HADH: variants seen among roughly 807,000 people sequenced by gnomAD.
HADH encodes hydroxyacyl-coenzyme A dehydrogenase, mitochondrial.
A neutral mutation model predicts 32.2 loss-of-function variants in HADH; 24 were observed. The ratio of observed to expected loss-of-function variants is 0.75; its 90% CI spans 0.54 to 1.05. HADH has a LOEUF of 1.05. Ranked by LOEUF, HADH falls within the 50% of genes least tolerant of loss-of-function variation. The pLI, the probability that HADH is intolerant of heterozygous loss-of-function variation, is 0.00. For missense variants in HADH, 350 were observed against 397.1 expected, an observed-to-expected ratio of 0.88 and a Z score of 1.01; for synonymous variants, 139 against 152.5, an observed-to-expected ratio of 0.91 and a Z score of 0.65.
chr4:107,989,994 C>T lies in HADH; in HGVS notation c.62C>T (p.Ser21Leu), dbSNP rs1332610418. 4.3e-6 allele frequency: 7 copies of T among 1,612,444 alleles called. No homozygotes were observed. In the South Asian group the frequency reaches 4.4e-5, roughly 10 times the overall value. ...TCCTCCTCGTCCACCGCCTCGGCCT[C>T]GGCCAAGAAGATAATCGTCAAGCAC... The part of the protein sequence containing the change: ...SVSSSSTASA[S>L]AKKIIVKHVT... Residue 21 changes from serine (S) to leucine (L), a missense_variant, in exon 1 of 8, where the codon TCG (serine) becomes TTG (leucine). Physicochemically the swap from Ser to Leu is moderately radical, Grantham distance 145. Coordinates refer to ENST00000309522, the MANE Select transcript of HADH (RefSeq NM_005327.7).
intron 4 of HADH, among the ~76,000 whole-genome samples, chr4:108,022,936 A>G (rs1735941167): frequency 6.6e-6 from 1 of 151,982 alleles, no homozygotes; most frequent in South Asian, 2.1e-4. Context: ...ACACACACGT[A>G]CACACATACA....
At chr4:108,029,597 G>A (rs1736189348) in intron 6 of HADH, 1 of 152,328 alleles carries the variant, frequency 6.6e-6, no homozygotes, top group South Asian at 2.1e-4. Flanking sequence ...CCCCACTGTT[G>A]ATACACCTGG....
chr4:108,003,720 CAA>C (rs1452765559), intron 1 of HADH, among the ~76,000 whole-genome samples: 1 of 150,578 alleles, frequency 6.6e-6, no homozygotes, highest in Non-Finnish European at 1.5e-5. Flanking sequence ...AGATCAAAAG[CAA>C]AATAAAATAG....
chr4:107,994,518 C>A (rs1240092592), intron 1 of HADH, among the ~76,000 whole-genome samples: 1 of 152,184 alleles, frequency 6.6e-6, no homozygotes, highest in Non-Finnish European at 1.5e-5. Flanking sequence ...TTATTCTCTT[C>A]TACTGTGAGT....
At chr4:108,026,493 G>A (rs1406803322) in intron 5 of HADH, 1 of 152,078 alleles carries the variant, frequency 6.6e-6, no homozygotes, top group Non-Finnish European at 1.5e-5. Flanking sequence ...GAGTATTTTT[G>A]CCTCAATTAT....
chr4:108,016,202 T>C (rs1049629238), intron 3 of HADH, among the ~76,000 whole-genome samples: 1 of 152,160 alleles, frequency 6.6e-6, no homozygotes, highest in African/African-American at 2.4e-5. Flanking sequence ...GTGACTTGTT[T>C]GACTATATTT....
intron 1 of HADH, among the ~76,000 whole-genome samples, chr4:108,009,091 G>C (rs776855078): frequency 6.6e-6 from 1 of 152,216 alleles, no homozygotes; most frequent in Non-Finnish European, 1.5e-5. Context: ...TGATCCCAAA[G>C]ACTTCATTTT....
rs762881778 is a variant in HADH at position 108,014,437 on chromosome 4, G to C, written c.268G>C (p.Asp90His). The change falls in exon 3 of 8, where the codon GAT (aspartate) becomes CAT (histidine). Residue 90 changes from aspartate to histidine, a missense_variant. Asp to His is a moderately conservative substitution (Grantham distance 81). Transcript: ENST00000309522. ...CTTCCTCCCACTGCATTAGGCCGGC[G>C]ATGAATTTGTGGAGAAGACCCTGAG... ...KKFAENLKAG[D>H]EFVEKTLSTI... is the part of the protein sequence containing the mutation. 3 of 1,614,106 alleles carry C rather than the reference G, an allele frequency of 1.9e-6. No homozygotes were observed. The highest frequency in any genetic ancestry group is 2.5e-6 in the Non-Finnish European group (3 of 1,180,016).
Position 108,034,498 on chromosome 4 carries a change from C to T in HADH, c.*141C>T, listed in dbSNP as rs1036332890. ...AATGTGCATTTTGATTGTAATCTAT[C>T]GAAGTGATTATTACACCAGTTACAG... On this transcript the variant is annotated 3_prime_UTR_variant, in exon 8 of 8. Coordinates refer to ENST00000309522, the MANE Select transcript of HADH (RefSeq NM_005327.7). 39 of 726,994 alleles carry T rather than the reference C, an allele frequency of 5.4e-5. 2 individuals are homozygous for T. The highest frequency in any genetic ancestry group is 3.6e-4 in the Admixed American group (19 of 53,264). 45.0% of individuals were successfully genotyped at this position (726,994 alleles called of 1,614,324 possible). A position where few individuals can be genotyped will look rare whatever the true frequency, so the allele number is the denominator to read the frequency against.
chr4:108,013,174 G>T (rs138345472), intron 2 of HADH, among the ~76,000 whole-genome samples: 1 of 152,300 alleles, frequency 6.6e-6, no homozygotes, highest in East Asian at 1.9e-4. Context: ...CTCGTGATCC[G>T]CCTGCCTCGG....
rs779861407 is a variant in HADH, at chr4:108,000,149, G to C, written c.133-9610G>C. 2.6e-5 allele frequency among the ~76,000 whole-genome samples: 4 copies of C among 152,286 alleles called. 1 individual carries two copies. The Middle Eastern group carries it at 0.01, about 388-fold the overall frequency. On this transcript the variant is annotated intron_variant, in intron 1 of 7. Coordinates refer to ENST00000309522, the MANE Select transcript of HADH (RefSeq NM_005327.7). ...AACAGCACTTTTGAAAGGTCTCTCC[G>C]TACTATCTTGATTTCATCATCTAAA...
intron 1 of HADH, chr4:108,004,933 A>G: frequency 1.3e-6 from 2 of 1,523,888 alleles, no homozygotes; most frequent in Non-Finnish European, 1.8e-6. Context: ...ATGACCCTAA[A>G]CTAGTATTCA....
chr4:108,009,983 T>TC, intron 2 of HADH, 96 bp downstream of exon 2: 2 of 903,782 alleles, frequency 2.2e-6, no homozygotes, highest in Non-Finnish European at 3.5e-6. Context: ...CTTTCTTTTT[T>TC]TTTTTTTTTT....
intron 7 of HADH, among the ~76,000 whole-genome samples, chr4:108,033,943 A>G (rs1736367167): frequency 6.6e-6 from 1 of 152,248 alleles, no homozygotes; most frequent in African/African-American, 2.4e-5. Context: ...GGCTTCTGTC[A>G]GTGTACTTGG....
At chr4:108,033,526 T>G in intron 7 of HADH, among the ~76,000 whole-genome samples, 1 of 152,072 alleles carries the variant, frequency 6.6e-6, no homozygotes, top group Non-Finnish European at 1.5e-5. Context: ...TCACAGGAAG[T>G]TACAAATATA....
At chr4:108,034,186 T>G in intron 7 of HADH, 53 bp from the exon 8 acceptor site, 1 of 1,194,882 alleles carries the variant, frequency 8.4e-7, no homozygotes, top group East Asian at 2.3e-5. Context: ...AATGCCAAGA[T>G]GTAAAAATAA....
rs1454681297 is a variant in HADH at position 108,035,097 on chromosome 4, T to C, written c.*740T>C. The C allele has an allele frequency of 4.6e-5, 7 of 152,506 alleles. No homozygotes were observed. The highest frequency in any genetic ancestry group is 1.0e-4 in the Non-Finnish European group (7 of 68,302). The allele number at this position is 152,506 out of a possible 1,614,324, so 9.4% of individuals were successfully genotyped here. On this transcript the variant is annotated 3_prime_UTR_variant, in exon 8 of 8. Transcript: ENST00000309522. ...AATGTTTCAGTCTGAAAATTTGAATTGAAAAAAATGTATAATATAAAATTG... is the reference window on the plus strand; with the variant it reads ...AATGTTTCAGTCTGAAAATTTGAATCGAAAAAAATGTATAATATAAAATTG...
At chr4:108,032,427 C>A in intron 6 of HADH, 1 of 1,250,922 alleles carries the variant, frequency 8.0e-7, no homozygotes, top group Non-Finnish European at 1.2e-6. Context: ...GGGAATACTC[C>A]TTACTTGTAA....
intron 3 of HADH, among the ~76,000 whole-genome samples, chr4:108,015,792 C>T (rs1248559090): frequency 6.6e-6 from 1 of 152,154 alleles, no homozygotes; most frequent in Non-Finnish European, 1.5e-5. Flanking sequence ...GCTGCTCTGA[C>T]GTTCCTTGGT....
Sources: gnomAD v4.1 joint callset for allele counts (sites outside exome capture counted in the v4.1 genomes callset) on GRCh38, gnomAD v4.1.1 for gene constraint, MANE v1.5 for transcripts, NCBI Gene and HGNC (gene_info 2026-07-23, HGNC 2026-07-21) for gene names.